The following COLEC12 variants were observed in gnomAD, a reference collection of about 807,000 sequenced individuals.
COLEC12 encodes the protein collectin-12.
A neutral mutation model predicts 71.1 loss-of-function variants in COLEC12; 33 were observed. That is an observed-to-expected ratio of 0.46 (90% CI 0.35 to 0.62). COLEC12 has a LOEUF of 0.62. Among genes scored for constraint, COLEC12 ranks in the 20% least tolerant of loss-of-function variants. The pLI is 0.00. For synonymous variants in COLEC12, 350 were observed against 353.0 expected, an observed-to-expected ratio of 0.99 and a Z score of 0.10; for missense variants, 765 against 916.1, an observed-to-expected ratio of 0.84 and a Z score of 2.13.
intron 2 of COLEC12, among the ~76,000 whole-genome samples, chr18:449,914 A>G (rs1461491570): frequency 6.6e-6 from 1 of 152,248 alleles, no homozygotes; most frequent in African/African-American, 2.4e-5. Flanking sequence ...CTGTGTCATC[A>G]TAATTTTGTT....
intron 2 of COLEC12, among the ~76,000 whole-genome samples, chr18:412,592 C>T (rs1915913907): frequency 6.6e-6 from 1 of 151,810 alleles, no homozygotes; most frequent in African/African-American, 2.4e-5. Flanking sequence ...CTTGAGTTTT[C>T]TAAATTATGC....
intron 2 of COLEC12, among the ~76,000 whole-genome samples, chr18:361,437 A>G (rs612879): frequency 0.22 from 33,320 of 152,024 alleles, 4,185 homozygotes; most frequent in Non-Finnish European, 0.28. Flanking sequence ...ACTGGAATCT[A>G]GCCTCACCCT....
At position 348,155 on chromosome 18, in the gene COLEC12, T is replaced by C. The variant is rs574213437; in HGVS notation, c.190A>G (p.Lys64Glu). ...ATGCCACCTGTGACATTGTCCATTTTCTCTACAACTAAGATTTGGAAAATG... is the reference window on the plus strand; with the variant it reads ...ATGCCACCTGTGACATTGTCCATTTCCTCTACAACTAAGATTTGGAAAATG... Reference protein sequence around the residue: ...VAILGYKVVEKMDNVTGGMET... With the variant: ...VAILGYKVVEEMDNVTGGMET... The change falls in exon 4 of 10, where the codon AAA (lysine) becomes GAA (glutamate). Residue 64 changes from lysine to glutamate, a missense_variant. Physicochemically the swap from Lys to Glu is moderately conservative, Grantham distance 56 (BLOSUM62 1). Transcript: ENST00000400256. 3 of 1,610,960 alleles carry C rather than the reference T, an allele frequency of 1.9e-6. No individual in the cohort carries two copies. The Admixed American group carries it at 5.0e-5, about 27-fold the overall frequency.
At chr18:451,609 T>C (rs1916762482) in intron 2 of COLEC12, among the ~76,000 whole-genome samples, 1 of 150,328 alleles carries the variant, frequency 6.7e-6, no homozygotes, top group Non-Finnish European at 1.5e-5. Flanking sequence ...TAGCCAGGAG[T>C]GGTGGCAGGT....
At chr18:433,061 AACTG>A (rs536810280) in intron 2 of COLEC12, among the ~76,000 whole-genome samples, 149 of 152,300 alleles carry the variant, frequency 9.8e-4, no homozygotes, top group Non-Finnish European at 1.8e-3. Flanking sequence ...ATTACAGCAG[AACTG>A]ACTATCTTGA....
intron 2 of COLEC12, among the ~76,000 whole-genome samples, chr18:381,884 A>AT (rs71363211): frequency 0.13 from 19,944 of 151,300 alleles, 1,500 homozygotes; most frequent in East Asian, 0.26. Flanking sequence ...TTGCTGAAGG[A>AT]TTTTTTTTTT....
rs374140725 is a variant in COLEC12, at chr18:397,861, C to A, written c.59-40339G>T. Among the ~76,000 whole-genome samples the A allele has an allele frequency of 2.6e-5, 4 of 152,268 alleles. No individual in the cohort carries two copies. The East Asian group carries it at 5.8e-4, about 22-fold the overall frequency. ...TTCAGTTAGGGTTAAAATCGTGTCA[C>A]CCAGCCAGGAAAAAATGTAAAGGAT... On this transcript the variant is annotated intron_variant, in intron 2 of 9. Coordinates refer to ENST00000400256, the MANE Select transcript of COLEC12 (RefSeq NM_130386.3).
At chr18:429,696 A>G (rs1320076966) in intron 2 of COLEC12, among the ~76,000 whole-genome samples, 2 of 152,090 alleles carry the variant, frequency 1.3e-5, no homozygotes, top group Non-Finnish European at 2.9e-5. Context: ...GTAATTCTTT[A>G]CCAACACAAG....
At chr18:491,321 A>T (rs1025343718) in intron 1 of COLEC12, among the ~76,000 whole-genome samples, 7 of 152,208 alleles carry the variant, frequency 4.6e-5, no homozygotes, top group African/African-American at 7.2e-5. Flanking sequence ...CTTTCCTAAC[A>T]CCAGAGGCTG....
intron 2 of COLEC12, among the ~76,000 whole-genome samples, chr18:359,615 C>T (rs1309234009): frequency 6.6e-6 from 1 of 152,150 alleles, no homozygotes; most frequent in Non-Finnish European, 1.5e-5. Context: ...CTCCAGAAAC[C>T]TTTAAAAAGA....
intron 2 of COLEC12, among the ~76,000 whole-genome samples, chr18:456,801 G>A (rs1022173129): frequency 4.6e-5 from 7 of 152,194 alleles, no homozygotes; most frequent in Non-Finnish European, 1.0e-4. Context: ...TGGAGAGATT[G>A]TTCACGAGGA....
intron 3 of COLEC12, among the ~76,000 whole-genome samples, chr18:354,870 T>A (rs1244089654): frequency 1.3e-5 from 2 of 152,246 alleles, no homozygotes; most frequent in East Asian, 3.9e-4. Context: ...TCTTCCTTCA[T>A]CTTGGTGAGA....
At chr18:352,318 C>T (rs765037804) in intron 3 of COLEC12, among the ~76,000 whole-genome samples, 30 of 152,270 alleles carry the variant, frequency 2.0e-4, no homozygotes, top group Non-Finnish European at 3.7e-4. Flanking sequence ...GTCCTCAAAC[C>T]ACATGCAGGA....
intron 2 of COLEC12, among the ~76,000 whole-genome samples, chr18:379,323 C>T (rs1457934537): frequency 6.6e-6 from 1 of 151,902 alleles, no homozygotes; most frequent in Admixed American, 6.6e-5. Flanking sequence ...GATGGGGTCT[C>T]ACTATATTAC....
chr18:409,125 C>T (rs893556152), intron 2 of COLEC12, among the ~76,000 whole-genome samples: 6 of 152,204 alleles, frequency 3.9e-5, no homozygotes, highest in South Asian at 2.1e-4. Flanking sequence ...TGTGAGCCAC[C>T]GCATCTGGCC....
chr18:380,756 T>C (rs891129930), intron 2 of COLEC12, among the ~76,000 whole-genome samples: 1 of 152,124 alleles, frequency 6.6e-6, no homozygotes, highest in African/African-American at 2.4e-5. Context: ...AAATCAAGTT[T>C]GAAATTTGGG....
intron 2 of COLEC12, among the ~76,000 whole-genome samples, chr18:477,691 GTCCA>G (rs973405435): frequency 6.6e-6 from 1 of 152,166 alleles, no homozygotes; most frequent in African/African-American, 2.4e-5. Flanking sequence ...CAAAGCACTT[GTCCA>G]TCCATCTGAC....
intron 2 of COLEC12, among the ~76,000 whole-genome samples, chr18:368,851 G>A (rs1170435235): frequency 6.6e-6 from 1 of 152,198 alleles, no homozygotes; most frequent in East Asian, 1.9e-4. Flanking sequence ...GGGCAACAGA[G>A]CGAGACTCCG....
At chr18:400,653 G>A (rs1915665058) in intron 2 of COLEC12, among the ~76,000 whole-genome samples, 1 of 152,122 alleles carries the variant, frequency 6.6e-6, no homozygotes, top group African/African-American at 2.4e-5. Flanking sequence ...CTGTGGTTTT[G>A]GAATCCTGCA....
Sources: allele counts gnomAD v4.1 joint callset (sites outside exome capture counted in the v4.1 genomes callset), GRCh38; gene constraint gnomAD v4.1.1; transcripts MANE v1.5; gene names NCBI Gene and HGNC (gene_info 2026-07-23, HGNC 2026-07-21).